The following ELL3 variants were observed in gnomAD, a reference collection of about 807,000 sequenced individuals.
ELL3 encodes elongation factor for RNA polymerase II 3.
Under a neutral mutation model 58.5 loss-of-function variants are expected in ELL3, and 48 were observed. The observed-to-expected ratio is 0.82, with a 90% CI of 0.65 to 1.04. The LOEUF is 1.04. Among genes scored for constraint, ELL3 ranks in the 50% least tolerant of loss-of-function variants. The pLI, the probability that ELL3 is intolerant of heterozygous loss-of-function variation, is 0.00. For synonymous variants in ELL3, 174 were observed against 173.2 expected (o/e 1.00, Z -0.04); for missense variants, 458 against 478.4 (o/e 0.96, Z 0.40).
chr15:43,776,829 A>G lies in ELL3; in HGVS notation c.73T>C (p.Leu25=). ...GCAGCGTCGTTGAGCCTGAGCAGTA[A>G]GAGGCTAGTCCGGGCAGCTTGCGTG... ...CFTQAARTSL[L]LLRLNDAALR... is the part of the protein sequence containing the mutation. Residue 25 remains leucine, a synonymous_variant, in exon 1 of 11, where the codon TTA becomes CTA. Transcript: ENST00000319359. The G allele has an allele frequency of 1.2e-6, 2 of 1,612,368 alleles. No individual in the cohort carries two copies. Among genetic ancestry groups the G allele is most frequent in the Non-Finnish European group, 8.5e-7 (1 of 1,179,524 alleles).
chr15:43,775,309 G>A lies in ELL3; in HGVS notation c.642C>T (p.Asp214=). 1 of 1,610,942 alleles carries A rather than the reference G, an allele frequency of 6.2e-7. No homozygotes were observed. The highest frequency in any genetic ancestry group is 1.7e-5 in the Admixed American group (1 of 59,692). ...AGCCCTTGCCATTCTAACTTACCTT[G>A]TCCAGACGTTTCCGGCTGGCAGAGG... is the stretch of plus-strand genomic sequence containing the variant. ...LPSSASRKRL[D]KKRSVPVATV... Residue 214 remains aspartate, a synonymous_variant, in exon 6 of 11, where the codon GAC becomes GAT. Coordinates refer to ENST00000319359, the MANE Select transcript of ELL3 (RefSeq NM_025165.3).
At position 43,775,506 on chromosome 15, in the gene ELL3, C is replaced by T; in HGVS notation, c.569+19G>A. On this transcript the variant is annotated intron_variant, in intron 5 of 10. Transcript: ENST00000319359. ...CAATGCCAAAGCTTCCCATGTTAGT[C>T]CCACCCCATCCAAAGTACCTCACTT... 1 of 1,613,934 alleles carries T rather than the reference C, an allele frequency of 6.2e-7. No individual in the cohort carries two copies. Among genetic ancestry groups the T allele is most frequent in the Non-Finnish European group, 8.5e-7 (1 of 1,179,866 alleles).
At chr15:43,774,051 G>C in intron 9 of ELL3, 131 bp downstream of exon 9, 1 of 1,137,450 alleles carries the variant, frequency 8.8e-7, no homozygotes, top group African/African-American at 1.5e-5. Context: ...AAATGATACA[G>C]ACTAATTTTT....
At chr15:43,773,251 A>G in intron 10 of ELL3, 25 bp from the exon 11 acceptor site, 1 of 1,613,772 alleles carries the variant, frequency 6.2e-7, no homozygotes, top group Non-Finnish European at 8.5e-7. Context: ...CATCCATGTC[A>G]AAAAGTAAAA....
chr15:43,773,987 G>T (rs1348429792), intron 9 of ELL3, among the ~76,000 whole-genome samples, 195 bp downstream of exon 9: 2 of 152,168 alleles, frequency 1.3e-5, no homozygotes, highest in Non-Finnish European at 2.9e-5. Flanking sequence ...GAGAGACGGA[G>T]CTAGACTGTC....
At chr15:43,774,826 G>T in intron 6 of ELL3, 53 bp from the exon 7 acceptor site, 4 of 1,512,572 alleles carry the variant, frequency 2.6e-6, no homozygotes, top group Non-Finnish European at 3.5e-6. Flanking sequence ...TCCTAAATAT[G>T]TTCTTCTCTC....
intron 1 of ELL3, 28 bp downstream of exon 1, chr15:43,776,742 G>GACT (rs373144208): frequency 8.8e-6 from 14 of 1,591,310 alleles, no homozygotes; most frequent in Middle Eastern, 3.4e-4. Flanking sequence ...TAGGGGCAGT[G>GACT]ACTAGAGAAG....
chr15:43,776,391 G>T, intron 2 of ELL3, 118 bp downstream of exon 2: 1 of 1,482,934 alleles, frequency 6.7e-7, no homozygotes, highest in South Asian at 1.2e-5. Context: ...TCAGTTATCG[G>T]AACTACCTCA....
rs1189068254 is a variant in ELL3, at chr15:43,773,368, C to T, written c.1039-20G>A. 1 of 1,613,878 alleles carries T rather than the reference C, an allele frequency of 6.2e-7. No individual in the cohort carries two copies. Among genetic ancestry groups the T allele is most frequent in the Non-Finnish European group, 8.5e-7 (1 of 1,179,924 alleles). On this transcript the variant is annotated intron_variant, in intron 9 of 10. Coordinates refer to ENST00000319359, the MANE Select transcript of ELL3 (RefSeq NM_025165.3). ...CAGGACCTGAAACAGAAATTACTAG[C>T]ACTGAGTTCAACATTAAGAAATGAG... is the stretch of plus-strand genomic sequence containing the variant.
intron 1 of ELL3, 25 bp from the exon 2 acceptor site, chr15:43,776,569 C>T: frequency 6.4e-7 from 1 of 1,564,140 alleles, no homozygotes; most frequent in Admixed American, 1.9e-5. Context: ...AAGATGTGAC[C>T]GTTGAGCGCA....
At position 43,776,029 on chromosome 15, in the gene ELL3, T is replaced by C. The variant is rs2086913461; in HGVS notation, c.281+10A>G. On this transcript the variant is annotated intron_variant, in intron 3 of 10. Transcript: ENST00000319359. The stretch of plus-strand genomic sequence containing the variant: ...AAACCCTTTCTTGCCGGCTACCTGT[T>C]CCCCCTCACCTGAGGAAGCGTTGGC... 6.2e-7 allele frequency: 1 copy of C among 1,613,690 alleles called. No individual in the cohort carries two copies. Among genetic ancestry groups the C allele is most frequent in the African/African-American group, 1.3e-5 (1 of 74,906 alleles).
chr15:43,774,789 T>A lies in ELL3; in HGVS notation c.646-16A>T. The A allele has an allele frequency of 6.3e-7, 1 of 1,583,808 alleles. No homozygotes were observed. The highest frequency in any genetic ancestry group is 8.5e-7 in the Non-Finnish European group (1 of 1,170,040). Reference sequence around the variant, plus strand: ...CTGAACGTTTCTGTTGAGGAAAATATCTGTGTGACATAAACAGCCAAGAGC... The same window carrying A: ...CTGAACGTTTCTGTTGAGGAAAATAACTGTGTGACATAAACAGCCAAGAGC... On this transcript the variant is annotated splice_polypyrimidine_tract_variant and intron_variant, in intron 6 of 10. Transcript: ENST00000319359.
At chr15:43,776,016 G>A (rs781402300) in intron 3 of ELL3, 23 bp downstream of exon 3, 1 of 1,613,276 alleles carries the variant, frequency 6.2e-7, no homozygotes, top group Non-Finnish European at 8.5e-7. Context: ...ACCCTTTCTT[G>A]CCGGCTACCT....
Position 43,772,846 on chromosome 15 carries a change from A to G in ELL3, c.*270T>C, listed in dbSNP as rs2086889389. On this transcript the variant is annotated 3_prime_UTR_variant, in exon 11 of 11. Coordinates refer to ENST00000319359, the MANE Select transcript of ELL3 (RefSeq NM_025165.3). ...TGATGTCATTTCTCAGGACTTGAAA[A>G]TGACTTGGCTGAACTAAAGGTAAAA... 1 of 306,840 alleles carries G rather than the reference A, an allele frequency of 3.3e-6. No homozygotes were observed. The highest frequency in any genetic ancestry group is 5.9e-6 in the Non-Finnish European group (1 of 168,822). The allele number at this position is 306,840 out of a possible 1,614,324, so 19.0% of individuals were successfully genotyped here. A position where few individuals can be genotyped will look rare whatever the true frequency, so the allele number is the denominator to read the frequency against.
chr15:43,773,895 G>A (rs1472623365), intron 9 of ELL3, among the ~76,000 whole-genome samples: 4 of 151,860 alleles, frequency 2.6e-5, no homozygotes, highest in South Asian at 2.1e-4. Flanking sequence ...CCAGCTATTC[G>A]GAAAGCTGAG....
Position 43,773,025 on chromosome 15 carries a change from G to A in ELL3, c.*91C>T. 1.6e-6 allele frequency: 2 copies of A among 1,242,026 alleles called. No homozygotes were observed. The highest frequency in any genetic ancestry group is 2.3e-6 in the Non-Finnish European group (2 of 885,624). The allele number at this position is 1,242,026 out of a possible 1,614,324, so 76.9% of individuals were successfully genotyped here. A position where few individuals can be genotyped will look rare whatever the true frequency, so the allele number is the denominator to read the frequency against. On this transcript the variant is annotated 3_prime_UTR_variant, in exon 11 of 11. Coordinates refer to ENST00000319359, the MANE Select transcript of ELL3 (RefSeq NM_025165.3). ...CCATGGACTCCAGTGGTCAGCATAA[G>A]AAAAGCAGATAGTTGCATTCTATTT...
At chr15:43,776,374 T>C (rs950087628) in intron 2 of ELL3, 135 bp downstream of exon 2, 3 of 1,410,582 alleles carry the variant, frequency 2.1e-6, no homozygotes, top group Non-Finnish European at 2.9e-6. Context: ...CTCGCCCCAC[T>C]TGGAGTTCAG....
rs2039463659 is a variant in ELL3 at position 43,772,691 on chromosome 15, A to G, written c.*425T>C. ...GGTAACACCCAGGCCCTTTCCCATT[A>G]TATCCAGGTATGCTACAAGTTCTTT... On this transcript the variant is annotated 3_prime_UTR_variant, in exon 11 of 11. Coordinates refer to ENST00000319359, the MANE Select transcript of ELL3 (RefSeq NM_025165.3). 6.5e-6 allele frequency: 1 copy of G among 154,138 alleles called. No homozygotes were observed. Among genetic ancestry groups the G allele is most frequent in the African/African-American group, 2.4e-5 (1 of 41,538 alleles). 9.5% of individuals were successfully genotyped at this position (154,138 alleles called of 1,614,324 possible).
chr15:43,776,886 C>G lies in ELL3; in HGVS notation c.16G>C (p.Glu6Gln), dbSNP rs140053314. Reference sequence around the variant, plus strand: ...AGCCGGAGCTGTCCTCTCAGAGGCTCCTGGAGCTCCTCCATGGCGACGAGT... The same window carrying G: ...AGCCGGAGCTGTCCTCTCAGAGGCTGCTGGAGCTCCTCCATGGCGACGAGT... MEELQEPLRGQLRLCF... is the reference protein window; with the variant it reads MEELQQPLRGQLRLCF... The change falls in exon 1 of 11, where the codon GAG (glutamate) becomes CAG (glutamine). Residue 6 changes from glutamate to glutamine, a missense_variant. Transcript: ENST00000319359. 1.0e-4 allele frequency: 166 copies of G among 1,611,206 alleles called. No homozygotes were observed. The highest frequency in any genetic ancestry group is 2.0e-4 in the Admixed American group (12 of 59,948).
Sources: allele counts gnomAD v4.1 joint callset (sites outside exome capture counted in the v4.1 genomes callset), GRCh38; gene constraint gnomAD v4.1.1; transcripts MANE v1.5; gene names NCBI Gene and HGNC (gene_info 2026-07-23, HGNC 2026-07-21).